The following HSBP1L1 variants were observed in gnomAD, a reference collection of about 807,000 sequenced individuals.
HSBP1L1 encodes the protein heat shock factor binding protein 1 like 1.
A neutral mutation model predicts 9.7 loss-of-function variants in HSBP1L1; 8 were observed. That is an observed-to-expected ratio of 0.82 (90% CI 0.48 to 1.48). HSBP1L1 has a LOEUF of 1.48. HSBP1L1 is among the 40% of genes most tolerant of loss of function. The pLI is 0.00. For missense variants in HSBP1L1, 106 were observed against 95.8 expected (o/e 1.11, Z -0.44); for synonymous variants, 39 against 34.4 (o/e 1.13, Z -0.46).
intron 3 of HSBP1L1, among the ~76,000 whole-genome samples, chr18:79,969,385 A>AAG (rs1204884869): frequency 1.3e-4 from 8 of 62,152 alleles, no homozygotes; most frequent in African/African-American, 2.9e-4. Context: ...GAAAGAAAGA[A>AAG]AGAAAGAAAA....
At chr18:79,967,405 G>A (rs997946344) in intron 2 of HSBP1L1, 12 of 152,144 alleles carry the variant, frequency 7.9e-5, no homozygotes, top group Admixed American at 3.9e-4. Context: ...TTAGAAACAT[G>A]AAATCAAACA....
At chr18:79,966,120 A>T (rs2051255715) in intron 1 of HSBP1L1, among the ~76,000 whole-genome samples, 2 of 151,940 alleles carry the variant, frequency 1.3e-5, no homozygotes, top group African/African-American at 4.8e-5. Flanking sequence ...TTTAGTAGAG[A>T]TGGGGTTTCA....
intron 3 of HSBP1L1, among the ~76,000 whole-genome samples, chr18:79,969,382 A>AG (rs2051281862): frequency 1.8e-5 from 1 of 55,310 alleles, no homozygotes; most frequent in African/African-American, 4.8e-5. Flanking sequence ...AAAGAAAGAA[A>AG]GAAAGAAAGA....
Position 79,964,765 on chromosome 18 carries a change from C to T in HSBP1L1, c.30C>T (p.Gly10=), listed in dbSNP as rs1320074379. 1 of 1,408,370 alleles carries T rather than the reference C, an allele frequency of 7.1e-7. No homozygotes were observed. Among genetic ancestry groups the T allele is most frequent in the Non-Finnish European group, 9.2e-7 (1 of 1,082,468 alleles). The allele number at this position is 1,408,370 out of a possible 1,614,324, so 87.2% of individuals were successfully genotyped here. MDVRGPEAP[G]GRALRDAAEN... Reference sequence around the variant, plus strand: ...ACGTGCGGGGCCCTGAAGCCCCCGGCGGGCGCGCGCTGCGGGACGCGGTGA... The same window carrying T: ...ACGTGCGGGGCCCTGAAGCCCCCGGTGGGCGCGCGCTGCGGGACGCGGTGA... The change falls in exon 1 of 4, where the codon GGC becomes GGT. Residue 10 remains glycine, a synonymous_variant. Transcript: ENST00000451882.
rs751190991 is a variant in HSBP1L1 at position 79,966,666 on chromosome 18, T to A, written c.106T>A (p.Leu36Ile). ...ACATTTTCAAGCTCTGACGGCAACATTAAACCTCAGAAATATCCTTTTCTA... is the reference window on the plus strand; with the variant it reads ...ACATTTTCAAGCTCTGACGGCAACAATAAACCTCAGAAATATCCTTTTCTA... ...QEHFQALTAT[L>I]NLRMEEMGNR... The change falls in exon 2 of 4, where the codon TTA becomes ATA. Residue 36 changes from leucine to isoleucine, a missense_variant. Leu to Ile is a conservative substitution (Grantham distance 5). Coordinates refer to ENST00000451882, the MANE Select transcript of HSBP1L1 (RefSeq NM_001136180.2). 11 of 1,548,526 alleles carry A rather than the reference T, an allele frequency of 7.1e-6. No individual in the cohort carries two copies. The highest frequency in any genetic ancestry group is 2.0e-5 in the Admixed American group (1 of 50,930).
Position 79,970,747 on chromosome 18 carries a change from C to T in HSBP1L1, c.*296C>T. ...CCCAATCTGAAGTATTTTGTTATGG[C>T]AGTCCTGGGCAGACTAATACAATAT... On this transcript the variant is annotated 3_prime_UTR_variant, in exon 4 of 4. Coordinates refer to ENST00000451882, the MANE Select transcript of HSBP1L1 (RefSeq NM_001136180.2). 2.5e-6 allele frequency: 1 copy of T among 395,658 alleles called. No homozygotes were observed. The highest frequency in any genetic ancestry group is 4.5e-5 in the South Asian group (1 of 22,274). The allele number at this position is 395,658 out of a possible 1,614,324, so 24.5% of individuals were successfully genotyped here.
intron 3 of HSBP1L1, among the ~76,000 whole-genome samples, chr18:79,969,351 G>GAAAAGAAAGAA (rs369080047): frequency 2.1e-5 from 1 of 46,552 alleles, no homozygotes; most frequent in Non-Finnish European, 4.9e-5. Flanking sequence ...AAGAAAGAAA[G>GAAAAGAAAGAA]AAAGAAAGAA....
intron 2 of HSBP1L1, chr18:79,967,644 G>A (rs2145035176): frequency 6.5e-6 from 1 of 153,038 alleles, no homozygotes; most frequent in East Asian, 1.9e-4. Flanking sequence ...CAGCTGGGTG[G>A]TAGTCTATAG....
At chr18:79,969,394 A>AAG (rs1555716383) in intron 3 of HSBP1L1, among the ~76,000 whole-genome samples, 1 of 80,302 alleles carries the variant, frequency 1.2e-5, no homozygotes, top group South Asian at 5.4e-4. Context: ...AAAGAAAGAA[A>AAG]AAAAAACGAT....
intron 1 of HSBP1L1, among the ~76,000 whole-genome samples, chr18:79,966,114 G>A (rs939650749): frequency 2.0e-5 from 3 of 152,084 alleles, no homozygotes; most frequent in African/African-American, 7.2e-5. Flanking sequence ...TGTATTTTTA[G>A]TAGAGATGGG....
Position 79,964,653 on chromosome 18 carries a change from C to T in HSBP1L1, c.-83C>T. 1 of 776,446 alleles carries T rather than the reference C, an allele frequency of 1.3e-6. No homozygotes were observed. Among genetic ancestry groups the T allele is most frequent in the Non-Finnish European group, 1.9e-6 (1 of 527,792 alleles). The allele number at this position is 776,446 out of a possible 1,614,324, so 48.1% of individuals were successfully genotyped here. Reference sequence around the variant, plus strand: ...GCCTCCCGGCGGCCCATACGGGAATCGCGGAGCTTAGCTGTCGCCACCTCG... The same window carrying T: ...GCCTCCCGGCGGCCCATACGGGAATTGCGGAGCTTAGCTGTCGCCACCTCG... On this transcript the variant is annotated 5_prime_UTR_variant, in exon 1 of 4. Coordinates refer to ENST00000451882, the MANE Select transcript of HSBP1L1 (RefSeq NM_001136180.2).
Position 79,966,597 on chromosome 18 carries a change from G to C in HSBP1L1, c.52-15G>C, listed in dbSNP as rs1399694054. On this transcript the variant is annotated splice_polypyrimidine_tract_variant and intron_variant, in intron 1 of 3. Transcript: ENST00000451882. ...GTAAATATTTATTCAATTGTCTTACGGTTTATTTTTTCAGGCAGAAAATCT... is the reference window on the plus strand; with the variant it reads ...GTAAATATTTATTCAATTGTCTTACCGTTTATTTTTTCAGGCAGAAAATCT... The C allele has an allele frequency of 6.5e-7, 1 of 1,537,124 alleles. No homozygotes were observed. The highest frequency in any genetic ancestry group is 2.0e-5 in the Admixed American group (1 of 50,654).
Position 79,964,675 on chromosome 18 carries a change from C to G in HSBP1L1, c.-61C>G. 2 of 1,013,224 alleles carry G rather than the reference C, an allele frequency of 2.0e-6. No homozygotes were observed. The highest frequency in any genetic ancestry group is 1.4e-6 in the Non-Finnish European group (1 of 727,310). 62.8% of individuals were successfully genotyped at this position (1,013,224 alleles called of 1,614,324 possible). A position where few individuals can be genotyped will look rare whatever the true frequency, so the allele number is the denominator to read the frequency against. The stretch of plus-strand genomic sequence containing the variant: ...AATCGCGGAGCTTAGCTGTCGCCAC[C>G]TCGCGCCGGGTCCGCGCGGCCCACG... On this transcript the variant is annotated 5_prime_UTR_variant, in exon 1 of 4. Coordinates refer to ENST00000451882, the MANE Select transcript of HSBP1L1 (RefSeq NM_001136180.2).
intron 3 of HSBP1L1, among the ~76,000 whole-genome samples, chr18:79,969,381 AAGAAAG>A (rs1360157728): frequency 1.8e-5 from 1 of 55,586 alleles, no homozygotes; most frequent in African/African-American, 4.8e-5. Context: ...GAAAGAAAGA[AAGAAAG>A]AAAGAAAAAA....
At chr18:79,967,147 C>CA (rs5826682) in intron 2 of HSBP1L1, among the ~76,000 whole-genome samples, 1,328 of 105,098 alleles carry the variant, frequency 0.013, 46 homozygotes, top group African/African-American at 0.045. Flanking sequence ...GACTCCGTCT[C>CA]AAAAAAAAAA....
chr18:79,970,822 ATTATT>A (rs1025524532), downstream of HSBP1L1: 2 of 208,794 alleles, frequency 9.6e-6, no homozygotes, highest in Non-Finnish European at 2.0e-5. Flanking sequence ...GTGGAATGTA[ATTATT>A]TTATCTTTTT....
intron 2 of HSBP1L1, chr18:79,967,655 T>C (rs1465676456): frequency 6.5e-6 from 1 of 153,682 alleles, no homozygotes; most frequent in African/African-American, 2.4e-5. Flanking sequence ...TAGTCTATAG[T>C]CCCAGCTACT....
intron 3 of HSBP1L1, 136 bp from the exon 4 acceptor site, chr18:79,970,304 C>T: frequency 1.5e-6 from 1 of 654,280 alleles, no homozygotes; most frequent in Non-Finnish European, 2.9e-6. Flanking sequence ...ACTTGAAATA[C>T]AGAGTCCAAA....
At chr18:79,966,792 G>GT (rs2051259472) in intron 2 of HSBP1L1, 114 bp downstream of exon 2, 1 of 785,886 alleles carries the variant, frequency 1.3e-6, no homozygotes, top group African/African-American at 1.8e-5. Context: ...GGATTTCCCA[G>GT]TATTTACTTC....
Sources: allele counts gnomAD v4.1 joint callset (sites outside exome capture counted in the v4.1 genomes callset), GRCh38; gene constraint gnomAD v4.1.1; transcripts MANE v1.5; gene names NCBI Gene and HGNC (gene_info 2026-07-23, HGNC 2026-07-21).